The following SPATA6L variants were observed in gnomAD, a reference collection of about 807,000 sequenced individuals.
The protein encoded by SPATA6L is spermatogenesis associated 6 like.
Under a neutral mutation model 49.2 loss-of-function variants are expected in SPATA6L, and 68 were observed. That is an observed-to-expected ratio of 1.38 (90% CI 1.14 to 1.69). SPATA6L has a LOEUF of 1.69. Among genes scored for constraint, SPATA6L ranks in the 40% most tolerant of loss-of-function variants. The probability of loss-of-function intolerance (pLI) is 0.00; values close to 1 mark genes in which losing one functional copy is unlikely to be tolerated. For synonymous variants in SPATA6L, 198 were observed against 165.7 expected, an observed-to-expected ratio of 1.19 and a Z score of -1.50; for missense variants, 668 against 464.3, an observed-to-expected ratio of 1.44 and a Z score of -4.03.
In SPATA6L at chr9:4,662,039, T is replaced by G; in HGVS notation, c.40-3A>C. On this transcript the variant is annotated splice_region_variant and splice_polypyrimidine_tract_variant and intron_variant, in intron 1 of 11. Coordinates refer to ENST00000682582, the MANE Select transcript of SPATA6L (RefSeq NM_001353486.2). This position sits in a 1 kb window ranked among gnomAD's most constrained non-coding sequence, Gnocchi z 4.9. ...AGGAACACTCCTGGGCAAGAAATCT[T>G]AAAAAGAAAGAAAACAACAAACAAG... is the stretch of plus-strand genomic sequence containing the variant. The G allele has an allele frequency of 6.2e-7, 1 of 1,612,902 alleles. No individual in the cohort carries two copies. The highest frequency in any genetic ancestry group is 8.5e-7 in the Non-Finnish European group (1 of 1,179,602).
intron 2 of SPATA6L, among the ~76,000 whole-genome samples, chr9:4,656,482 AAGGAAGGAAGGAAGGAAGGAAGGGAGG>A (rs1838244342): frequency 6.7e-6 from 1 of 149,114 alleles, no homozygotes; most frequent in African/African-American, 2.6e-5. Flanking sequence ...GGAAGGAAGG[AAGGAAGGAAGGAAGGAAGGAAGGGAGG>A]AGCCGTAAAT....
At chr9:4,648,954 G>A (rs775010430) in intron 3 of SPATA6L, among the ~76,000 whole-genome samples, 5 of 151,848 alleles carry the variant, frequency 3.3e-5, no homozygotes, top group African/African-American at 4.8e-5. Flanking sequence ...GAGTTACTTC[G>A]CTTAGAATAA....
chr9:4,661,953 G>C lies in SPATA6L; in HGVS notation c.123C>G (p.Asn41Lys), dbSNP rs1268949585. ...TAATGGGGAACGCAGAGGGAAAGCTGTTGGTCTCCAGGTACTGATTCATGA... is the reference window on the plus strand; with the variant it reads ...TAATGGGGAACGCAGAGGGAAAGCTCTTGGTCTCCAGGTACTGATTCATGA... ...VYLMNQYLET[N>K]SFPSAFPIMI... is the part of the protein sequence containing the mutation. Residue 41 changes from asparagine (N) to lysine (K), a missense_variant, in exon 2 of 12, where the codon AAC (asparagine) becomes AAG (lysine). By Grantham distance (94) the Asn-to-Lys change is moderately conservative (BLOSUM62 0). Coordinates refer to ENST00000682582, the MANE Select transcript of SPATA6L (RefSeq NM_001353486.2). 1 of 1,613,934 alleles carries C rather than the reference G, an allele frequency of 6.2e-7. No homozygotes were observed. The highest frequency in any genetic ancestry group is 1.3e-5 in the African/African-American group (1 of 74,930).
chr9:4,633,211 T>G (rs547148668), intron 4 of SPATA6L: 1 of 155,918 alleles, frequency 6.4e-6, no homozygotes, highest in Non-Finnish European at 1.5e-5. Flanking sequence ...CAAACAAGTT[T>G]TCCCCATAAA....
intron 10 of SPATA6L, 59 bp from the exon 11 acceptor site, chr9:4,604,328 A>G (rs1824167955): frequency 1.8e-6 from 2 of 1,141,162 alleles, no homozygotes; most frequent in Non-Finnish European, 1.3e-6. Flanking sequence ...GATGGATGAT[A>G]CCCAGATGTG....
chr9:4,594,936 C>A (rs923785979), downstream of SPATA6L, among the ~76,000 whole-genome samples: 1 of 152,076 alleles, frequency 6.6e-6, no homozygotes, highest in Non-Finnish European at 1.5e-5. Flanking sequence ...CACCTTGACC[C>A]CTAGTAATTC....
In SPATA6L at chr9:4,662,357, A is replaced by G. The variant is rs568620475; in HGVS notation, c.40-321T>C. 57 of 1,488,598 alleles carry G rather than the reference A, an allele frequency of 3.8e-5. No homozygotes were observed. The African/African-American group carries it at 7.3e-4, about 19-fold the overall frequency. The allele number at this position is 1,488,598 out of a possible 1,614,324, so 92.2% of individuals were successfully genotyped here. A position where few individuals can be genotyped will look rare whatever the true frequency, so the allele number is the denominator to read the frequency against. ...CTGTTTGGTCCGGCCAGGTCCCGGG[A>G]TCCGGGCCGCCAGCTGCGATGCCAA... is the stretch of plus-strand genomic sequence containing the variant. On this transcript the variant is annotated intron_variant, in intron 1 of 11. Transcript: ENST00000682582. This position sits in a 1 kb window ranked among gnomAD's most constrained non-coding sequence, Gnocchi z 4.9.
intron 9 of SPATA6L, among the ~76,000 whole-genome samples, chr9:4,610,258 G>C (rs1174150892): frequency 3.4e-5 from 5 of 149,066 alleles, no homozygotes; most frequent in African/African-American, 1.2e-4. Flanking sequence ...TCCCCATCAA[G>C]CTACCAATGA....
chr9:4,629,769 G>GTGTGTGTATATA (rs1311805859), intron 4 of SPATA6L, among the ~76,000 whole-genome samples: 168 of 101,916 alleles, frequency 1.6e-3, no homozygotes, highest in African/African-American at 6.6e-3. Context: ...GTGTGTGTGT[G>GTGTGTGTATATA]TATATATATA....
rs977747566 is a variant in SPATA6L, at chr9:4,666,098, G to A, written c.39+114C>T. On this transcript the variant is annotated intron_variant, in intron 1 of 11. Transcript: ENST00000682582. ...GACAAAGGTGCGATCTGTCCCAGAA[G>A]ATAATGATGTGTTTGTGGTAAGTGG... is the stretch of plus-strand genomic sequence containing the variant. 4 of 936,878 alleles carry A rather than the reference G, an allele frequency of 4.3e-6. No individual in the cohort carries two copies. In the East Asian group the frequency reaches 7.2e-5, roughly 17 times the overall value. The allele number at this position is 936,878 out of a possible 1,614,324, so 58.0% of individuals were successfully genotyped here.
intron 9 of SPATA6L, among the ~76,000 whole-genome samples, chr9:4,612,892 T>G (rs1010363525): frequency 6.6e-6 from 1 of 152,112 alleles, no homozygotes; most frequent in Non-Finnish European, 1.5e-5. Context: ...AATTTGATAA[T>G]GAAAGGCACA....
At chr9:4,643,354 G>A (rs569708695) in intron 3 of SPATA6L, among the ~76,000 whole-genome samples, 1 of 152,270 alleles carries the variant, frequency 6.6e-6, no homozygotes, top group African/African-American at 2.4e-5. Context: ...CTAGGATATG[G>A]GGAAGGGGCA....
intron 2 of SPATA6L, 53 bp downstream of exon 2, chr9:4,661,846 G>C (rs1839851705): frequency 4.4e-6 from 7 of 1,588,956 alleles, no homozygotes; most frequent in Non-Finnish European, 6.0e-6. Context: ...TTCTTTATAA[G>C]AACTCTCAGG....
intron 3 of SPATA6L, among the ~76,000 whole-genome samples, chr9:4,647,330 G>A (rs1835629893): frequency 6.6e-6 from 1 of 152,116 alleles, no homozygotes; most frequent in Admixed American, 6.6e-5. Context: ...AGTGGCTCGT[G>A]CCTGTAATCC....
chr9:4,591,796 C>T (rs1821917588), intron 13 of SPATA6L, among the ~76,000 whole-genome samples: 1 of 152,190 alleles, frequency 6.6e-6, no homozygotes, highest in Admixed American at 6.5e-5. Context: ...GATATTTAGT[C>T]TGCTTTTCTC....
At chr9:4,609,264 G>GA (rs1826074715) in intron 9 of SPATA6L, among the ~76,000 whole-genome samples, 1 of 150,954 alleles carries the variant, frequency 6.6e-6, no homozygotes, top group Admixed American at 6.6e-5. Context: ...CCAATCAATA[G>GA]AAAAAGAGGG....
intron 4 of SPATA6L, among the ~76,000 whole-genome samples, chr9:4,629,813 A>G (rs1163595625): frequency 8.1e-6 from 1 of 123,698 alleles, no homozygotes; most frequent in Non-Finnish European, 1.6e-5. Context: ...TATCCTGTTT[A>G]ATTCTTATAA....
intron 3 of SPATA6L, among the ~76,000 whole-genome samples, chr9:4,645,121 T>C (rs1218864778): frequency 6.6e-6 from 1 of 152,226 alleles, no homozygotes; most frequent in Non-Finnish European, 1.5e-5. Context: ...AATATTCATT[T>C]CAAAAATTAT....
intron 8 of SPATA6L, among the ~76,000 whole-genome samples, chr9:4,618,470 T>C (rs1414618105): frequency 6.6e-6 from 1 of 152,230 alleles, no homozygotes; most frequent in Non-Finnish European, 1.5e-5. Flanking sequence ...TTCCATTTTC[T>C]TTGCATAAAT....
Sources: gnomAD v4.1 joint callset for allele counts (sites outside exome capture counted in the v4.1 genomes callset) on GRCh38, gnomAD v4.1.1 for gene constraint, Gnocchi (gnomAD v3.1) non-coding constraint, MANE v1.5 for transcripts, NCBI Gene and HGNC (gene_info 2026-07-23, HGNC 2026-07-21) for gene names.